ZNF554: variants seen among roughly 807,000 people sequenced by gnomAD.
ZNF554 encodes the protein zinc finger protein 554.
In ZNF554, 15 loss-of-function variants were observed where a neutral mutation model predicts 21.2. The observed-to-expected ratio is 0.71, with a 90% CI of 0.47 to 1.09. The LOEUF (loss-of-function observed/expected upper bound fraction) is 1.09. Ranked by LOEUF, ZNF554 falls within the 50% of genes least tolerant of loss-of-function variation. ZNF554 has a pLI of 0.00. For synonymous variants in ZNF554, 258 were observed against 251.4 expected (o/e 1.03, Z -0.25); for missense variants, 691 against 662.7 (o/e 1.04, Z -0.47).
At chr19:2,826,742 A>G (rs1374722419) in intron 2 of ZNF554, among the ~76,000 whole-genome samples, 2 of 151,024 alleles carry the variant, frequency 1.3e-5, no homozygotes, top group East Asian at 3.9e-4. Flanking sequence ...GCTCACTGCA[A>G]ACTCCACCTC....
At chr19:2,832,173 G>T (rs2087429443) in intron 3 of ZNF554, 130 bp from the exon 4 acceptor site, 2 of 814,750 alleles carry the variant, frequency 2.5e-6, no homozygotes, top group Non-Finnish European at 3.7e-6. Context: ...TGATCCGCCT[G>T]CCTCGGCCTC....
intron 1 of ZNF554, 72 bp from the exon 2 acceptor site, chr19:2,822,968 C>T: frequency 1.3e-6 from 2 of 1,528,378 alleles, no homozygotes; most frequent in South Asian, 2.3e-5. Context: ...TGGAGGTTCT[C>T]CAGGCCAAGG....
Position 2,836,600 on chromosome 19 carries a change from A to G in ZNF554, c.*1748A>G, listed in dbSNP as rs1312436478. On this transcript the variant is annotated 3_prime_UTR_variant, in exon 5 of 5. Transcript: ENST00000317243. Reference sequence around the variant, plus strand: ...ACGTGAAGAAATGAATCATTTACGCAATGATTGGGGTGTTCCAATTATGTG... The same window carrying G: ...ACGTGAAGAAATGAATCATTTACGCGATGATTGGGGTGTTCCAATTATGTG... Among the ~76,000 whole-genome samples the G allele has an allele frequency of 6.6e-6, 1 of 152,234 alleles. No individual in the cohort carries two copies. Among genetic ancestry groups the G allele is most frequent in the Admixed American group, 6.5e-5 (1 of 15,278 alleles).
intron 2 of ZNF554, among the ~76,000 whole-genome samples, chr19:2,825,737 G>GT (rs949943189): frequency 2.5e-4 from 38 of 149,216 alleles, no homozygotes; most frequent in Admixed American, 1.1e-3. Context: ...GGAAGAGTTT[G>GT]TTTTTTTTTT....
At position 2,823,664 on chromosome 19, in the gene ZNF554, C is replaced by T. The variant is rs188077061; in HGVS notation, c.126+552C>T. Among the ~76,000 whole-genome samples the T allele has an allele frequency of 3.9e-5, 6 of 152,250 alleles. No homozygotes were observed. The East Asian group carries it at 1.2e-3, about 29-fold the overall frequency. ...CTGAAGCTCTCAGCAGGGATGGTAGCTCTTCTCTGCCGGCAGATCATCTCT... is the reference window on the plus strand; with the variant it reads ...CTGAAGCTCTCAGCAGGGATGGTAGTTCTTCTCTGCCGGCAGATCATCTCT... On this transcript the variant is annotated intron_variant, in intron 2 of 4. Transcript: ENST00000317243.
At position 2,825,003 on chromosome 19, in the gene ZNF554, G is replaced by GTT. The variant is rs140025750; in HGVS notation, c.126+1917_126+1918dup. 3.7e-4 allele frequency among the ~76,000 whole-genome samples: 36 copies of GTT among 97,702 alleles called. 1 individual carries two copies. The highest frequency in any genetic ancestry group is 1.2e-3 in the African/African-American group (32 of 26,526). 64.1% of individuals were successfully genotyped at this position (97,702 alleles called of 152,430 possible). On this transcript the variant is annotated intron_variant, in intron 2 of 4. Transcript: ENST00000317243. ...CACTGAGCATAACGTGATTGCAGTTGTTTTTTTTTTTTTTTTTTTTTTTTT... is the reference window on the plus strand; with the variant it reads ...CACTGAGCATAACGTGATTGCAGTTGTTTTTTTTTTTTTTTTTTTTTTTTTTT...
chr19:2,834,493 A>C lies in ZNF554; in HGVS notation c.1258A>C (p.Ser420Arg). The C allele has an allele frequency of 6.2e-7, 1 of 1,614,134 alleles. No homozygotes were observed. Among genetic ancestry groups the C allele is most frequent in the Non-Finnish European group, 8.5e-7 (1 of 1,180,034 alleles). Residue 420 changes from serine (S) to arginine (R), a missense_variant, in exon 5 of 5, where the codon AGC (serine) becomes CGC (arginine). Physicochemically the swap from Ser to Arg is moderately radical, Grantham distance 110 (BLOSUM62 -1). Transcript: ENST00000317243. Reference sequence around the variant, plus strand: ...AGACTGTGGGAAATCCTTCTGCCAGAGCTCTTACCTGATCTTGCACAAGAG... The same window carrying C: ...AGACTGTGGGAAATCCTTCTGCCAGCGCTCTTACCTGATCTTGCACAAGAG... ...CEDCGKSFCQ[S>R]SYLILHKRTH...
intron 1 of ZNF554, 41 bp downstream of exon 1, chr19:2,820,165 G>T: frequency 8.2e-7 from 1 of 1,216,890 alleles, no homozygotes; most frequent in Non-Finnish European, 1.0e-6. Context: ...TCCGTGCCGG[G>T]CCTGCCGGGG....
chr19:2,820,850 A>G lies in ZNF554; in HGVS notation c.53+726A>G, dbSNP rs1199850953. 2.0e-5 allele frequency among the ~76,000 whole-genome samples: 3 copies of G among 150,364 alleles called. No homozygotes were observed. In the East Asian group the frequency reaches 5.8e-4, roughly 29 times the overall value. ...CGGCTAATTTTTGCATTTTTAGTAGAGACGGGGTTTCACCATGTTGGCCAG... is the reference window on the plus strand; with the variant it reads ...CGGCTAATTTTTGCATTTTTAGTAGGGACGGGGTTTCACCATGTTGGCCAG... On this transcript the variant is annotated intron_variant, in intron 1 of 4. Transcript: ENST00000317243.
At chr19:2,832,815 C>G (rs2087438887) in intron 4 of ZNF554, among the ~76,000 whole-genome samples, 1 of 152,156 alleles carries the variant, frequency 6.6e-6, no homozygotes, top group Admixed American at 6.5e-5. Context: ...TCAAGTGATC[C>G]TCCTGCCTCA....
chr19:2,832,291 T>C lies in ZNF554; in HGVS notation c.254-12T>C. On this transcript the variant is annotated splice_polypyrimidine_tract_variant and intron_variant, in intron 3 of 4. Coordinates refer to ENST00000317243, the MANE Select transcript of ZNF554 (RefSeq NM_001102651.2). The stretch of plus-strand genomic sequence containing the variant: ...TTGTGCTACCTCTCAAGTATACTCT[T>C]GTCTTTTTCAGAAGCCTTGAAGAAC... 5 of 1,570,742 alleles carry C rather than the reference T, an allele frequency of 3.2e-6. No homozygotes were observed. Among genetic ancestry groups the C allele is most frequent in the Non-Finnish European group, 4.3e-6 (5 of 1,164,682 alleles).
chr19:2,835,479 A>AG lies in ZNF554; in HGVS notation c.*627_*628insG, dbSNP rs2087487697. Reference sequence around the variant, plus strand: ...AGAGCGAGACTCCGTCTCAAAAAAAAAAAAAAAATTATAGAGTTGGGGTCT... The same window carrying AG: ...AGAGCGAGACTCCGTCTCAAAAAAAAGAAAAAAAATTATAGAGTTGGGGTCT... On this transcript the variant is annotated 3_prime_UTR_variant, in exon 5 of 5. Transcript: ENST00000317243. The AG allele has an allele frequency of 6.6e-6, 1 of 151,804 alleles. No individual in the cohort carries two copies. The highest frequency in any genetic ancestry group is 2.4e-5 in the African/African-American group (1 of 41,208). 9.4% of individuals were successfully genotyped at this position (151,804 alleles called of 1,614,324 possible). A position where few individuals can be genotyped will look rare whatever the true frequency, so the allele number is the denominator to read the frequency against.
chr19:2,832,666 G>A (rs2087436986), intron 4 of ZNF554, among the ~76,000 whole-genome samples, 172 bp downstream of exon 4: 1 of 152,082 alleles, frequency 6.6e-6, no homozygotes, highest in Non-Finnish European at 1.5e-5. Flanking sequence ...TACCTTACAT[G>A]ACCTCTCTCT....
In ZNF554 at chr19:2,834,518, G is replaced by A. The variant is rs776932394; in HGVS notation, c.1283G>A (p.Arg428Lys). The change falls in exon 5 of 5, where the codon AGG (arginine) becomes AAG (lysine). Residue 428 changes from arginine to lysine, a missense_variant. Transcript: ENST00000317243. ...AGCTCTTACCTGATCTTGCACAAGAGGACACACACCGGAGAGAAGCCCTAC... is the reference window on the plus strand; with the variant it reads ...AGCTCTTACCTGATCTTGCACAAGAAGACACACACCGGAGAGAAGCCCTAC... ...CQSSYLILHK[R>K]THTGEKPYEC... 9 of 1,613,914 alleles carry A rather than the reference G, an allele frequency of 5.6e-6. No individual in the cohort carries two copies. The African/African-American group carries it at 1.2e-4, about 22-fold the overall frequency.
At position 2,834,255 on chromosome 19, in the gene ZNF554, C is replaced by T. The variant is rs749993797; in HGVS notation, c.1020C>T (p.Ser340=). The T allele has an allele frequency of 8.6e-5, 138 of 1,614,018 alleles. 1 individual carries two copies. Among genetic ancestry groups the T allele is most frequent in the South Asian group, 6.9e-4 (63 of 91,080 alleles). The change falls in exon 5 of 5, where the codon AGC becomes AGT. Residue 340 remains serine, a synonymous_variant. Coordinates refer to ENST00000317243, the MANE Select transcript of ZNF554 (RefSeq NM_001102651.2). ...GKVFNRRHSL[S]EHQRIHTGEK... ...TGTTCAACCGGAGGCATTCTTTGAG[C>T]GAACATCAAAGAATTCACACGGGGG...
In ZNF554 at chr19:2,836,719, G is replaced by C. The variant is rs990904741; in HGVS notation, c.*1867G>C. On this transcript the variant is annotated 3_prime_UTR_variant, in exon 5 of 5. Transcript: ENST00000317243. ...TAGCACCCAAAATTGTGAAGGATAC[G>C]GAACCTCATTGATGAGTCAGGATAG... Among the ~76,000 whole-genome samples, 1 of 152,152 alleles carries C rather than the reference G, an allele frequency of 6.6e-6. No homozygotes were observed. Among genetic ancestry groups the C allele is most frequent in the Non-Finnish European group, 1.5e-5 (1 of 68,032 alleles).
intron 2 of ZNF554, among the ~76,000 whole-genome samples, chr19:2,824,491 T>G (rs568769488): frequency 3.3e-5 from 5 of 152,334 alleles, no homozygotes; most frequent in Middle Eastern, 3.4e-3. Context: ...CACCTTCCCC[T>G]GGAGAGCAGG....
In ZNF554 at chr19:2,834,590, A is replaced by C. The variant is rs1353657565; in HGVS notation, c.1355A>C (p.Asn452Thr). 6.2e-7 allele frequency: 1 copy of C among 1,613,974 alleles called. No homozygotes were observed. The highest frequency in any genetic ancestry group is 8.5e-7 in the Non-Finnish European group (1 of 1,179,976). ...GKAFSDRSSL[N>T]QHERTHTGEN... ...GCCTTCAGTGACCGTTCCTCTCTCA[A>C]CCAGCACGAGCGAACTCACACGGGC... is the stretch of plus-strand genomic sequence containing the variant. The change falls in exon 5 of 5, where the codon AAC becomes ACC. Residue 452 changes from asparagine to threonine, a missense_variant. Physicochemically the swap from Asn to Thr is moderately conservative, Grantham distance 65. Coordinates refer to ENST00000317243, the MANE Select transcript of ZNF554 (RefSeq NM_001102651.2).
rs745635179 is a variant in ZNF554, at chr19:2,834,759, CA to C, written c.1525del (p.Thr509HisfsTer58). On this transcript the variant is annotated frameshift_variant, in exon 5 of 5. Coordinates refer to ENST00000317243, the MANE Select transcript of ZNF554 (RefSeq NM_001102651.2). LOFTEE classifies it low-confidence loss of function (END_TRUNC). ...CCTTCAGCCAGAGCTCATCCCTTGTCACACATCAGAAAACTCACAGCAGCCA... is the reference window on the plus strand; with the variant it reads ...CCTTCAGCCAGAGCTCATCCCTTGTCCACATCAGAAAACTCACAGCAGCCA... ...KAFSQSSSLV[T>X]HQKTHSSQKT... 5.0e-6 allele frequency: 8 copies of C among 1,613,708 alleles called. No homozygotes were observed. Among genetic ancestry groups the C allele is most frequent in the Non-Finnish European group, 6.8e-6 (8 of 1,179,788 alleles).
Sources: gnomAD v4.1 joint callset for allele counts (sites outside exome capture counted in the v4.1 genomes callset) on GRCh38, gnomAD v4.1.1 for gene constraint, MANE v1.5 for transcripts, NCBI Gene and HGNC (gene_info 2026-07-23, HGNC 2026-07-21) for gene names.